GPHN: variants seen among roughly 807,000 people sequenced by gnomAD.
GPHN encodes the protein gephyrin.
A neutral mutation model predicts 95.5 loss-of-function variants in GPHN; 17 were observed. The ratio of observed to expected loss-of-function variants is 0.18; its 90% confidence interval spans 0.12 to 0.27. The LOEUF (loss-of-function observed/expected upper bound fraction) is 0.27, where lower values mean the gene tolerates loss of function less well. GPHN is among the 10% of genes least tolerant of loss of function. GPHN has a pLI of 1.00. For synonymous variants in GPHN, 320 were observed against 322.5 expected, an observed-to-expected ratio of 0.99 and a Z score of 0.08; for missense variants, 660 against 978.1, an observed-to-expected ratio of 0.67 and a Z score of 4.34.
intron 1 of GPHN, among the ~76,000 whole-genome samples, chr14:66,586,334 T>C (rs551055629): frequency 9.5e-4 from 144 of 152,352 alleles, no homozygotes; most frequent in African/African-American, 3.2e-3. Flanking sequence ...GTCTTGACTC[T>C]GTATCCAGTT....
the GPHN span, chr14:67,562,654 C>T: frequency 1.2e-6 from 2 of 1,612,900 alleles, no homozygotes; most frequent in Non-Finnish European, 1.7e-6. Context: ...GCCATGGGCA[C>T]TTTGGCCGTG....
At chr14:67,228,251 T>C in the GPHN span, 1 of 174,226 alleles carries the variant, frequency 5.7e-6, no homozygotes, top group Admixed American at 6.5e-5. Context: ...ATCCAAAGGA[T>C]CTTTATTTTT....
chr14:67,685,598 C>T, the GPHN span, among the ~76,000 whole-genome samples: 1 of 152,094 alleles, frequency 6.6e-6, no homozygotes, highest in Non-Finnish European at 1.5e-5. Context: ...ATTAGGATTA[C>T]AGGCATGAGC....
chr14:67,078,334 A>G (rs928065650), intron 11 of GPHN, among the ~76,000 whole-genome samples: 3 of 152,170 alleles, frequency 2.0e-5, no homozygotes, highest in Non-Finnish European at 2.9e-5. Flanking sequence ...TTCTGAAATT[A>G]CATTTTTCAG....
the GPHN span, among the ~76,000 whole-genome samples, chr14:67,258,997 C>G: frequency 1.3e-5 from 2 of 151,940 alleles, no homozygotes; most frequent in South Asian, 4.2e-4. Flanking sequence ...CGCGTGCCAC[C>G]ATGCCTGGCT....
intron 2 of GPHN, among the ~76,000 whole-genome samples, chr14:66,682,304 C>A (rs1167557316): frequency 1.3e-5 from 2 of 152,102 alleles, no homozygotes; most frequent in East Asian, 3.8e-4. Context: ...TCCTTTGAGT[C>A]CTGTGAAAAT....
At chr14:67,630,489 C>T in the GPHN span, among the ~76,000 whole-genome samples, 2 of 152,162 alleles carry the variant, frequency 1.3e-5, no homozygotes, top group African/African-American at 2.4e-5. Context: ...GAAGTTGCTG[C>T]GGGACACGGT....
intron 1 of GPHN, among the ~76,000 whole-genome samples, chr14:66,520,613 G>A (rs1272307727): frequency 1.3e-5 from 2 of 152,058 alleles, no homozygotes; most frequent in Admixed American, 1.3e-4. Context: ...TCAGAATTGT[G>A]AGGTTATAGA....
At chr14:66,883,743 T>G (rs2064042270) in intron 5 of GPHN, among the ~76,000 whole-genome samples, 2 of 152,090 alleles carry the variant, frequency 1.3e-5, no homozygotes, top group South Asian at 4.1e-4. Flanking sequence ...CTTTGCTATA[T>G]TGTTAGTGTC....
chr14:67,577,306 G>A, the GPHN span: 24 of 1,562,502 alleles, frequency 1.5e-5, no homozygotes, highest in East Asian at 2.4e-5. Flanking sequence ...GGGCAGATTC[G>A]CCGCTCTGGA....
chr14:66,722,520 T>G (rs1042687663), intron 2 of GPHN, among the ~76,000 whole-genome samples: 2 of 152,184 alleles, frequency 1.3e-5, no homozygotes, highest in Non-Finnish European at 2.9e-5. Flanking sequence ...CATAGCTCAC[T>G]GCAGCCTCAA....
the GPHN span, among the ~76,000 whole-genome samples, chr14:67,660,936 T>C: frequency 2.6e-5 from 4 of 152,156 alleles, no homozygotes; most frequent in Non-Finnish European, 5.9e-5. Context: ...TAAGAAAAGC[T>C]CCCAGTACTC....
chr14:67,161,186 C>A (rs975468933), intron 19 of GPHN, among the ~76,000 whole-genome samples: 1 of 151,928 alleles, frequency 6.6e-6, no homozygotes, highest in Non-Finnish European at 1.5e-5. Flanking sequence ...CCCAGCTACA[C>A]GGGAGGCTGA....
At chr14:67,049,786 C>T (rs1447730830) in intron 10 of GPHN, among the ~76,000 whole-genome samples, 2 of 152,206 alleles carry the variant, frequency 1.3e-5, no homozygotes, top group Non-Finnish European at 2.9e-5. Context: ...GCTGGGATTA[C>T]AGGCGTGAGC....
chr14:66,944,668 G>T (rs2067634580), intron 8 of GPHN, among the ~76,000 whole-genome samples: 1 of 152,214 alleles, frequency 6.6e-6, no homozygotes, highest in Non-Finnish European at 1.5e-5. Flanking sequence ...TTAAATGCAG[G>T]GCTGTATTAA....
chr14:67,340,907 TGC>T, the GPHN span, among the ~76,000 whole-genome samples: 1 of 152,182 alleles, frequency 6.6e-6, no homozygotes, highest in Non-Finnish European at 1.5e-5. Flanking sequence ...AGCTCCTAAC[TGC>T]GAGTGATCCG....
chr14:67,493,092 G>T, the GPHN span, among the ~76,000 whole-genome samples: 1 of 152,230 alleles, frequency 6.6e-6, no homozygotes, highest in Non-Finnish European at 1.5e-5. Context: ...ATTCCAGGCA[G>T]AGAGGACAGT....
At chr14:67,646,576 G>A in the GPHN span, 698,790 of 1,278,946 alleles carry the variant, frequency 0.55, 202,436 homozygotes, top group Non-Finnish European at 0.61. Context: ...ACCCACGGAC[G>A]CACATGATAA....
the GPHN span, among the ~76,000 whole-genome samples, chr14:67,287,151 C>T: frequency 2.6e-5 from 4 of 152,048 alleles, no homozygotes; most frequent in Non-Finnish European, 5.9e-5. Flanking sequence ...CCTGGGAGCT[C>T]AGGACTGCAG....
Sources: gnomAD v4.1 joint callset for allele counts (sites outside exome capture counted in the v4.1 genomes callset) on GRCh38, gnomAD v4.1.1 for gene constraint, MANE v1.5 for transcripts, NCBI Gene and HGNC (gene_info 2026-07-23, HGNC 2026-07-21) for gene names.